COBLL1: variants seen among roughly 807,000 people sequenced by gnomAD.
COBLL1 encodes the protein cordon-bleu protein-like 1.
In COBLL1, 50 loss-of-function variants were observed where a neutral mutation model predicts 94.8. That is an observed-to-expected ratio of 0.53 (90% CI 0.42 to 0.67). The LOEUF (loss-of-function observed/expected upper bound fraction) is 0.67. Ranked by LOEUF, COBLL1 falls within the 30% of genes least tolerant of loss-of-function variation. COBLL1 has a pLI of 0.00. For missense variants in COBLL1, 1,362 were observed against 1,348.7 expected (o/e 1.01, Z -0.15); for synonymous variants, 448 against 473.8 (o/e 0.95, Z 0.71).
At chr2:164,750,752 C>A (rs888611201) in intron 2 of COBLL1, among the ~76,000 whole-genome samples, 1 of 152,136 alleles carries the variant, frequency 6.6e-6, no homozygotes, top group Non-Finnish European at 1.5e-5. Context: ...TTGCAGGCCC[C>A]AAATGAGCTA....
chr2:164,703,549 A>G (rs1178847593), intron 9 of COBLL1: 1 of 404,116 alleles, frequency 2.5e-6, no homozygotes, highest in Admixed American at 4.2e-5. Flanking sequence ...ATTACTAGTT[A>G]TCTGAGAGTA....
At chr2:164,743,982 T>G in intron 2 of COBLL1, 107 bp from the exon 3 acceptor site, 1 of 784,080 alleles carries the variant, frequency 1.3e-6, no homozygotes, top group African/African-American at 1.8e-5. Flanking sequence ...TTTTCACATC[T>G]AGAAAAAATG....
intron 2 of COBLL1, among the ~76,000 whole-genome samples, chr2:164,797,054 T>C (rs1245917656): frequency 6.6e-6 from 1 of 152,210 alleles, no homozygotes; most frequent in East Asian, 1.9e-4. Flanking sequence ...TGAAACAATT[T>C]CACATTTGGT....
rs1311664802 is a variant in COBLL1 at position 164,681,919 on chromosome 2, C to CT, written c.*4026dup. 3 of 152,146 alleles carry CT rather than the reference C, an allele frequency of 2.0e-5. No homozygotes were observed. The highest frequency in any genetic ancestry group is 2.0e-4 in the Admixed American group (3 of 15,274). 9.4% of individuals were successfully genotyped at this position (152,146 alleles called of 1,614,324 possible). On this transcript the variant is annotated 3_prime_UTR_variant, in exon 14 of 14. Transcript: ENST00000652658. ...TTTCCTTGTTGTAAACACAATGTAT[C>CT]TATATGAACAGTCTAACATATTAAG...
intron 2 of COBLL1, among the ~76,000 whole-genome samples, chr2:164,832,477 T>C (rs1683121456): frequency 6.6e-6 from 1 of 152,206 alleles, no homozygotes; most frequent in African/African-American, 2.4e-5. Flanking sequence ...CTACACATCA[T>C]ATTTAAAAAA....
At chr2:164,718,864 A>C (rs1429072549) in intron 7 of COBLL1, among the ~76,000 whole-genome samples, 2 of 152,126 alleles carry the variant, frequency 1.3e-5, no homozygotes, top group African/African-American at 4.8e-5. Flanking sequence ...TTTTTGCATC[A>C]GCAACAATAA....
rs1157258734 is a variant in COBLL1 at position 164,704,507 on chromosome 2, C to T, written c.1162G>A (p.Val388Ile). The T allele has an allele frequency of 1.9e-6, 3 of 1,613,018 alleles. No individual in the cohort carries two copies. Residue 388 changes from valine to isoleucine, a missense_variant, in exon 9 of 14, where the codon GTA becomes ATA. By Grantham distance (29) the Val-to-Ile change is conservative. Coordinates refer to ENST00000652658, the MANE Select transcript of COBLL1 (RefSeq NM_001365672.2). ...ENSRVTALQP[V>I]DGVPPDSASE... ...GCACTGTCTGGAGGAACTCCATCTA[C>T]TGGCTGTAAGGCTAAAGGAAAGAAG...
chr2:164,775,761 G>A (rs1688434409), intron 2 of COBLL1, among the ~76,000 whole-genome samples: 1 of 152,040 alleles, frequency 6.6e-6, no homozygotes, highest in South Asian at 2.1e-4. Context: ...GCCCTTGGTG[G>A]TAGTCTTTAG....
rs555383350 is a variant in COBLL1 at position 164,822,518 on chromosome 2, C to T, written c.41+18638G>A. Among the ~76,000 whole-genome samples the T allele has an allele frequency of 3.9e-5, 6 of 152,208 alleles. No homozygotes were observed. The East Asian group carries it at 9.7e-4, about 25-fold the overall frequency. ...CCCTGGCCCTTGCAATCCACTGCCC[C>T]TGACGAAGGTAGTATTCTCCAAGTC... On this transcript the variant is annotated intron_variant, in intron 2 of 13. Transcript: ENST00000652658.
At chr2:164,666,628 A>G (rs1691163184) in intron 1 of COBLL1, among the ~76,000 whole-genome samples, 1 of 152,234 alleles carries the variant, frequency 6.6e-6, no homozygotes, top group Non-Finnish European at 1.5e-5. Context: ...TCAAAATTTG[A>G]GTCAGTCTTC....
intron 2 of COBLL1, among the ~76,000 whole-genome samples, chr2:164,811,460 G>C (rs1325763820): frequency 6.6e-6 from 1 of 151,892 alleles, no homozygotes; most frequent in Non-Finnish European, 1.5e-5. Context: ...GTACATAACA[G>C]TGAATCTAAG....
At chr2:164,716,162 C>G (rs1031190035) in intron 7 of COBLL1, among the ~76,000 whole-genome samples, 1 of 152,172 alleles carries the variant, frequency 6.6e-6, no homozygotes, top group African/African-American at 2.4e-5. Context: ...AACTAGATTT[C>G]TGAACTTAGA....
chr2:164,728,129 T>C lies in COBLL1; in HGVS notation c.501A>G (p.Ala167=), dbSNP rs755627759. 1.9e-6 allele frequency: 3 copies of C among 1,613,738 alleles called. No individual in the cohort carries two copies. Among genetic ancestry groups the C allele is most frequent in the African/African-American group, 1.3e-5 (1 of 74,928 alleles). ...QKTIVRVSPH[A]SLQELAPIIC... is the part of the protein sequence containing the mutation. ...TAATAGGGGCAAGCTCTTGAAGCGA[T>C]GCATGTGGACTCACTCTCACTATGG... Residue 167 remains alanine, a synonymous_variant, in exon 5 of 14, where the codon GCA becomes GCG. Coordinates refer to ENST00000652658, the MANE Select transcript of COBLL1 (RefSeq NM_001365672.2).
downstream of COBLL1, among the ~76,000 whole-genome samples, chr2:164,676,587 C>T (rs1401625520): frequency 2.6e-5 from 4 of 152,062 alleles, no homozygotes; most frequent in African/African-American, 7.2e-5. Context: ...AAAATCTGTA[C>T]CAGATTACCA....
intron 9 of COBLL1, among the ~76,000 whole-genome samples, chr2:164,702,575 A>ATAATAATAAT (rs1470498342): frequency 1.9e-4 from 26 of 135,072 alleles, no homozygotes; most frequent in African/African-American, 7.2e-4. Flanking sequence ...AAAAAAAAAA[A>ATAATAATAAT]AATAATAATA....
rs780534606 is a variant in COBLL1 at position 164,704,435 on chromosome 2, G to A, written c.1225+9C>T. ...AGTAATTACACCATGTAGAATAAGG[G>A]TGTCATACCTGGGCTGGATAGCTCC... is the stretch of plus-strand genomic sequence containing the variant. On this transcript the variant is annotated intron_variant, in intron 9 of 13. Transcript: ENST00000652658. The A allele has an allele frequency of 5.7e-6, 9 of 1,573,566 alleles. No individual in the cohort carries two copies. The highest frequency in any genetic ancestry group is 1.7e-5 in the Admixed American group (1 of 59,894).
At chr2:164,701,246 T>A (rs755109229) in intron 9 of COBLL1, among the ~76,000 whole-genome samples, 30 of 152,198 alleles carry the variant, frequency 2.0e-4, no homozygotes, top group Admixed American at 1.3e-4. Flanking sequence ...TTAAAAATAT[T>A]GAGGCTCACA....
intron 3 of COBLL1, among the ~76,000 whole-genome samples, chr2:164,736,464 A>G (rs1686315241): frequency 6.6e-6 from 1 of 152,238 alleles, no homozygotes; most frequent in African/African-American, 2.4e-5. Context: ...TCAGATTACT[A>G]AGCTGATAAG....
chr2:164,744,680 G>A (rs2105565330), intron 2 of COBLL1, among the ~76,000 whole-genome samples: 1 of 152,228 alleles, frequency 6.6e-6, no homozygotes, highest in Middle Eastern at 3.4e-3. Flanking sequence ...AAAGCCGCAT[G>A]GTATGGATGG....
Sources: allele counts gnomAD v4.1 joint callset (sites outside exome capture counted in the v4.1 genomes callset), GRCh38; gene constraint gnomAD v4.1.1; transcripts MANE v1.5; gene names NCBI Gene and HGNC (gene_info 2026-07-23, HGNC 2026-07-21).